Variants in EFCAB13 observed in about 807,000 individuals in gnomAD.
The protein encoded by EFCAB13 is EF-hand calcium binding domain 13.
Under a neutral mutation model 110.2 loss-of-function variants are expected in EFCAB13, and 91 were observed. The observed-to-expected ratio is 0.83, with a 90% CI of 0.70 to 0.98. EFCAB13 has a LOEUF of 0.98. Ranked by LOEUF, EFCAB13 falls within the 50% of genes least tolerant of loss-of-function variation. EFCAB13 has a pLI of 0.00. For synonymous variants in EFCAB13, 323 were observed against 369.9 expected, an observed-to-expected ratio of 0.87 and a Z score of 1.45; for missense variants, 968 against 1,119.4, an observed-to-expected ratio of 0.86 and a Z score of 1.93.
intron 21 of EFCAB13, among the ~76,000 whole-genome samples, chr17:47,410,574 G>A (rs2065829158): frequency 6.6e-6 from 1 of 152,142 alleles, no homozygotes. Context: ...AAATTCCAGA[G>A]TCTCATCTTA....
At chr17:47,349,554 G>A (rs112063372) in intron 9 of EFCAB13, among the ~76,000 whole-genome samples, 1,960 of 151,742 alleles carry the variant, frequency 0.013, 36 homozygotes, top group East Asian at 0.066. Flanking sequence ...ATATAATGTC[G>A]ACTGCTCTGT....
chr17:47,390,910 G>GTCTGTCTTATCTATCTGTCTA lies in EFCAB13; in HGVS notation c.1583-520_1583-519insTATCTATCTGTCTATCTGTCT, dbSNP rs1555583655. ...ATAATATATATGTGTATGTGTGTCT[G>GTCTGTCTTATCTATCTGTCTA]TCTGTCTATCTATCTATCTGTCTAT... On this transcript the variant is annotated intron_variant, in intron 14 of 24. Transcript: ENST00000331493. 1.7e-4 allele frequency among the ~76,000 whole-genome samples: 18 copies of GTCTGTCTTATCTATCTGTCTA among 106,626 alleles called. No individual in the cohort carries two copies. In the South Asian group the frequency reaches 5.1e-3, roughly 30 times the overall value. 70.0% of individuals were successfully genotyped at this position (106,626 alleles called of 152,430 possible).
intron 23 of EFCAB13, among the ~76,000 whole-genome samples, chr17:47,425,948 G>A (rs1278658333): frequency 1.3e-5 from 2 of 152,218 alleles, no homozygotes; most frequent in Non-Finnish European, 2.9e-5. Context: ...GAGAGAGCGA[G>A]CACAATGTAT....
chr17:47,425,759 T>G (rs1277752153), intron 23 of EFCAB13, among the ~76,000 whole-genome samples: 1 of 152,190 alleles, frequency 6.6e-6, no homozygotes, highest in Non-Finnish European at 1.5e-5. Context: ...TGCCTGTTGA[T>G]TCAATAGCAT....
Position 47,440,766 on chromosome 17 carries a change from A to T in EFCAB13, c.*52A>T, listed in dbSNP as rs1167722144. ...ATTACTAGATTATATATTATTCAGTATGCATATTTGACTTCTGAAATTATT... is the reference window on the plus strand; with the variant it reads ...ATTACTAGATTATATATTATTCAGTTTGCATATTTGACTTCTGAAATTATT... On this transcript the variant is annotated 3_prime_UTR_variant, in exon 25 of 25. Coordinates refer to ENST00000331493, the MANE Select transcript of EFCAB13 (RefSeq NM_152347.5). 7.4e-7 allele frequency: 1 copy of T among 1,360,058 alleles called. No individual in the cohort carries two copies. The highest frequency in any genetic ancestry group is 2.6e-5 in the Admixed American group (1 of 37,744). 84.2% of individuals were successfully genotyped at this position (1,360,058 alleles called of 1,614,324 possible). A position where few individuals can be genotyped will look rare whatever the true frequency, so the allele number is the denominator to read the frequency against.
intron 9 of EFCAB13, among the ~76,000 whole-genome samples, chr17:47,352,964 C>G (rs2065461488): frequency 6.6e-6 from 1 of 152,126 alleles, no homozygotes; most frequent in South Asian, 2.1e-4. Flanking sequence ...TATCAAATCT[C>G]AGGGTTTTTT....
intron 11 of EFCAB13, among the ~76,000 whole-genome samples, chr17:47,373,844 C>T (rs1358259667): frequency 2.0e-5 from 3 of 151,940 alleles, no homozygotes; most frequent in East Asian, 3.8e-4. Flanking sequence ...ATTGCTGCTG[C>T]GTGACAGTCT....
At chr17:47,427,746 A>G (rs1186113530) in intron 23 of EFCAB13, among the ~76,000 whole-genome samples, 5 of 151,960 alleles carry the variant, frequency 3.3e-5, no homozygotes, top group Admixed American at 1.3e-4. Flanking sequence ...TAGTCATCCC[A>G]TTACCTCCAT....
chr17:47,400,508 C>T (rs2065772990), intron 17 of EFCAB13, among the ~76,000 whole-genome samples: 1 of 152,104 alleles, frequency 6.6e-6, no homozygotes. Flanking sequence ...TAAACAGGTC[C>T]AAAGCTAGCT....
chr17:47,362,635 C>T (rs547361238), intron 10 of EFCAB13, among the ~76,000 whole-genome samples: 379 of 152,328 alleles, frequency 2.5e-3, no homozygotes, highest in Non-Finnish European at 4.1e-3. Context: ...TGTTGTGCTT[C>T]AGTGGTCACA....
intron 23 of EFCAB13, among the ~76,000 whole-genome samples, chr17:47,424,900 T>TTTTTTTTTTTTTTTTTG (rs869224150): frequency 9.9e-6 from 1 of 101,014 alleles, no homozygotes; most frequent in Admixed American, 9.3e-5. Flanking sequence ...TTTTTTTTTT[T>TTTTTTTTTTTTTTTTTG]GAGACGGAGT....
intron 5 of EFCAB13, among the ~76,000 whole-genome samples, chr17:47,336,592 A>ATTTTTTTTT (rs66495523): frequency 3.3e-5 from 4 of 119,526 alleles, no homozygotes; most frequent in Non-Finnish European, 6.9e-5. Context: ...CACCTGGCCA[A>ATTTTTTTTT]TTTTTTTTTT....
chr17:47,412,995 A>G, intron 22 of EFCAB13, 79 bp downstream of exon 22: 2 of 1,433,794 alleles, frequency 1.4e-6, no homozygotes, highest in South Asian at 3.0e-5. Context: ...ACCTATAAGG[A>G]TAAGATGCTA....
intron 20 of EFCAB13, among the ~76,000 whole-genome samples, chr17:47,406,779 C>A (rs561163536): frequency 1.8e-4 from 28 of 152,238 alleles, no homozygotes; most frequent in African/African-American, 6.7e-4. Flanking sequence ...AATAGCCTTC[C>A]AGAAATGTCA....
intron 23 of EFCAB13, among the ~76,000 whole-genome samples, chr17:47,426,711 G>A (rs1436060821): frequency 6.6e-6 from 1 of 152,012 alleles, no homozygotes; most frequent in East Asian, 1.9e-4. Context: ...AAAAGTTAAA[G>A]AATTTTTTTA....
chr17:47,386,629 C>T (rs571314861), intron 14 of EFCAB13, among the ~76,000 whole-genome samples: 114 of 152,076 alleles, frequency 7.5e-4, no homozygotes, highest in Non-Finnish European at 1.3e-3. Context: ...AGCCCCTTTC[C>T]AGGGGAGTGA....
intron 18 of EFCAB13, among the ~76,000 whole-genome samples, chr17:47,402,792 C>T (rs1026444568): frequency 1.3e-5 from 2 of 152,172 alleles, no homozygotes; most frequent in African/African-American, 2.4e-5. Context: ...AGACAGTAAT[C>T]AATACTGTTG....
At chr17:47,401,835 G>T (rs1221712153) in intron 17 of EFCAB13, among the ~76,000 whole-genome samples, 1 of 151,726 alleles carries the variant, frequency 6.6e-6, no homozygotes, top group East Asian at 1.9e-4. Flanking sequence ...TAGTAGAGAT[G>T]GGGTTTCACC....
rs1905304271 is a variant in EFCAB13, at chr17:47,440,695, AC to A, written c.2906del (p.Pro969GlnfsTer7). The A allele has an allele frequency of 6.4e-7, 1 of 1,569,342 alleles. No homozygotes were observed. The highest frequency in any genetic ancestry group is 1.2e-5 in the South Asian group (1 of 82,552). On this transcript the variant is annotated frameshift_variant, in exon 25 of 25. Transcript: ENST00000331493. LOFTEE classifies it high-confidence loss of function. ...LNSKANIAKLNPNSKF is the reference protein window; with the variant it reads ...LNSKANIAKLXPNSKF ...TCTAAGGCAAATATTGCTAAGCTTA[AC>A]CCAAACTCAAAATTTTAGGTAGTCT... is the stretch of plus-strand genomic sequence containing the variant.
Sources: allele counts gnomAD v4.1 joint callset (sites outside exome capture counted in the v4.1 genomes callset), GRCh38; gene constraint gnomAD v4.1.1; transcripts MANE v1.5; gene names NCBI Gene and HGNC (gene_info 2026-07-23, HGNC 2026-07-21).